The following PDZRN4 variants were observed in gnomAD, a reference collection of about 807,000 sequenced individuals.
The protein encoded by PDZRN4 is PDZ domain-containing RING finger protein 4.
Under a neutral mutation model 99.0 loss-of-function variants are expected in PDZRN4, and 70 were observed. The ratio of observed to expected loss-of-function variants is 0.71; its 90% CI spans 0.58 to 0.86. The LOEUF (loss-of-function observed/expected upper bound fraction) is 0.86, where lower values mean the gene tolerates loss of function less well. PDZRN4 is among the 40% of genes least tolerant of loss of function. The pLI, the probability that PDZRN4 is intolerant of heterozygous loss-of-function variation, is 0.00. For missense variants in PDZRN4, 1,474 were observed against 1,331.2 expected (o/e 1.11, Z -1.67); for synonymous variants, 551 against 501.6 (o/e 1.10, Z -1.32).
chr12:41,573,546 A>C lies in PDZRN4; in HGVS notation c.2767A>C (p.Ser923Arg). Residue 923 changes from serine to arginine, a missense_variant, in exon 10 of 10, where the codon AGT becomes CGT. Ser to Arg is a moderately radical substitution (Grantham distance 110). Transcript: ENST00000402685. ...TGCCTTAAAGATCAAGGAAGAGCGG[A>C]GTGGCATGACCACAGACGATGACAC... is the stretch of plus-strand genomic sequence containing the variant. ...ERALKIKEER[S>R]GMTTDDDTMS... 1 of 1,613,066 alleles carries C rather than the reference A, an allele frequency of 6.2e-7. No homozygotes were observed. Among genetic ancestry groups the C allele is most frequent in the Non-Finnish European group, 8.5e-7 (1 of 1,179,736 alleles).
At position 41,199,473 on chromosome 12, in the gene PDZRN4, A is replaced by C. The variant is rs536451838; in HGVS notation, c.843+5285A>C. Among the ~76,000 whole-genome samples, 285 of 152,280 alleles carry C rather than the reference A, an allele frequency of 1.9e-3. 1 individual carries two copies. The highest frequency in any genetic ancestry group is 6.6e-3 in the African/African-American group (276 of 41,566). ...GCGACTTCCCAAAGGATTAAAAATA[A>C]AGCTACCATTTGATTTAGCAATCAC... On this transcript the variant is annotated intron_variant, in intron 3 of 9. Coordinates refer to ENST00000402685, the MANE Select transcript of PDZRN4 (RefSeq NM_001164595.2).
chr12:41,292,910 G>A (rs1951465487), intron 3 of PDZRN4, among the ~76,000 whole-genome samples: 1 of 151,830 alleles, frequency 6.6e-6, no homozygotes, highest in African/African-American at 2.4e-5. Context: ...AAAGACCAAT[G>A]TGAATGTTTC....
intron 3 of PDZRN4, among the ~76,000 whole-genome samples, chr12:41,371,861 ATGT>A (rs1565564820): frequency 6.6e-6 from 1 of 152,084 alleles, no homozygotes; most frequent in Non-Finnish European, 1.5e-5. Context: ...TATGCCGTCA[ATGT>A]TCACCCAGAT....
intron 3 of PDZRN4, among the ~76,000 whole-genome samples, chr12:41,328,873 C>G (rs189271503): frequency 2.4e-4 from 36 of 152,164 alleles, no homozygotes; most frequent in African/African-American, 8.4e-4. Flanking sequence ...TGATTTGTTA[C>G]TTTGTTTATT....
chr12:41,480,804 G>A (rs1937660849), intron 3 of PDZRN4, among the ~76,000 whole-genome samples: 1 of 151,996 alleles, frequency 6.6e-6, no homozygotes, highest in Non-Finnish European at 1.5e-5. Flanking sequence ...GTGAGTCTAG[G>A]TGAATATGCT....
Position 41,534,053 on chromosome 12 carries a change from T to C in PDZRN4, c.1204-18603T>C, listed in dbSNP as rs75000078. Among the ~76,000 whole-genome samples, 409 of 152,324 alleles carry C rather than the reference T, an allele frequency of 2.7e-3. 2 individuals are homozygous for C. The highest frequency in any genetic ancestry group is 9.4e-3 in the African/African-American group (390 of 41,578). On this transcript the variant is annotated intron_variant, in intron 5 of 9. Transcript: ENST00000402685. ...TAATTCTTTTACTTTCCTTAAACAA[T>C]AAAAGGAGTCAGGAACACTTAAATT... is the stretch of plus-strand genomic sequence containing the variant.
chr12:41,238,508 A>G (rs373903165), intron 3 of PDZRN4, among the ~76,000 whole-genome samples: 2 of 152,164 alleles, frequency 1.3e-5, no homozygotes, highest in African/African-American at 4.8e-5. Context: ...GTCTACAAGG[A>G]ACTTAAACAA....
intron 3 of PDZRN4, among the ~76,000 whole-genome samples, chr12:41,483,853 A>G (rs915644215): frequency 1.3e-5 from 2 of 152,194 alleles, no homozygotes; most frequent in African/African-American, 4.8e-5. Flanking sequence ...GGCTCAATGC[A>G]TAGTCCAGTA....
chr12:41,497,157 G>A (rs1205358866), intron 3 of PDZRN4, among the ~76,000 whole-genome samples: 2 of 152,090 alleles, frequency 1.3e-5, no homozygotes, highest in African/African-American at 4.8e-5. Context: ...GGACAAAAAA[G>A]ATCTTGTCCA....
intron 3 of PDZRN4, among the ~76,000 whole-genome samples, chr12:41,260,007 G>A (rs1951227014): frequency 6.6e-6 from 1 of 152,064 alleles, no homozygotes; most frequent in Non-Finnish European, 1.5e-5. Context: ...AATACTGTTG[G>A]CAAACTTATT....
At chr12:41,415,780 G>C (rs1416204774) in intron 3 of PDZRN4, among the ~76,000 whole-genome samples, 1 of 151,978 alleles carries the variant, frequency 6.6e-6, no homozygotes, top group Non-Finnish European at 1.5e-5. Flanking sequence ...TTTTGCAAAG[G>C]GTAATTTATC....
intron 5 of PDZRN4, among the ~76,000 whole-genome samples, chr12:41,524,707 G>A (rs553692100): frequency 6.6e-5 from 10 of 152,268 alleles, no homozygotes; most frequent in Admixed American, 5.2e-4. Flanking sequence ...AGGGATTTAA[G>A]AAGGAAACAG....
In PDZRN4 at chr12:41,234,371, G is replaced by A. The variant is rs1277775455; in HGVS notation, c.843+40183G>A. On this transcript the variant is annotated intron_variant, in intron 3 of 9. Transcript: ENST00000402685. ...TGGTCAGAAAAGTTATCTTAGAAAAGTTCAAATGTATTTTTCAGAGCTTCA... is the reference window on the plus strand; with the variant it reads ...TGGTCAGAAAAGTTATCTTAGAAAAATTCAAATGTATTTTTCAGAGCTTCA... Among the ~76,000 whole-genome samples, 3 of 152,176 alleles carry A rather than the reference G, an allele frequency of 2.0e-5. No homozygotes were observed. In the East Asian group the frequency reaches 5.8e-4, roughly 29 times the overall value.
chr12:41,552,152 C>T (rs1360304088), intron 5 of PDZRN4, among the ~76,000 whole-genome samples: 3 of 152,106 alleles, frequency 2.0e-5, no homozygotes, highest in African/African-American at 4.8e-5. Flanking sequence ...AAAACACTTG[C>T]TTATTATCAT....
chr12:41,503,927 A>C lies in PDZRN4; in HGVS notation c.844-2529A>C, dbSNP rs1938156017. Among the ~76,000 whole-genome samples the C allele has an allele frequency of 2.6e-5, 4 of 152,144 alleles. No individual in the cohort carries two copies. The South Asian group carries it at 6.2e-4, about 24-fold the overall frequency. On this transcript the variant is annotated intron_variant, in intron 3 of 9. Coordinates refer to ENST00000402685, the MANE Select transcript of PDZRN4 (RefSeq NM_001164595.2). ...ACTATTAGGGATTCCTCTTGATGCAAGGCTTATAAGAAAAGATAACATGTT... is the reference window on the plus strand; with the variant it reads ...ACTATTAGGGATTCCTCTTGATGCACGGCTTATAAGAAAAGATAACATGTT...
intron 3 of PDZRN4, among the ~76,000 whole-genome samples, chr12:41,365,743 A>G (rs1054198171): frequency 2.0e-5 from 3 of 152,088 alleles, no homozygotes; most frequent in Admixed American, 2.0e-4. Flanking sequence ...TCCTTCAGAT[A>G]AGGACTCAGC....
intron 3 of PDZRN4, among the ~76,000 whole-genome samples, chr12:41,479,017 A>G (rs1937632196): frequency 6.6e-6 from 1 of 152,208 alleles, no homozygotes; most frequent in African/African-American, 2.4e-5. Flanking sequence ...CTCCCTTCCC[A>G]AAATAAATTC....
At chr12:41,221,972 C>T (rs1223089204) in intron 3 of PDZRN4, among the ~76,000 whole-genome samples, 1 of 152,126 alleles carries the variant, frequency 6.6e-6, no homozygotes, top group East Asian at 1.9e-4. Context: ...AGGCCATGGA[C>T]AACAAAGAAC....
chr12:41,411,278 T>C (rs1952397831), intron 3 of PDZRN4, among the ~76,000 whole-genome samples: 1 of 151,990 alleles, frequency 6.6e-6, no homozygotes, highest in South Asian at 2.1e-4. Flanking sequence ...TAAGTACAGC[T>C]CTCCTATTTG....
Sources: allele counts gnomAD v4.1 joint callset (sites outside exome capture counted in the v4.1 genomes callset), GRCh38; gene constraint gnomAD v4.1.1; transcripts MANE v1.5; gene names NCBI Gene and HGNC (gene_info 2026-07-23, HGNC 2026-07-21).